ZNF346: variants seen among roughly 807,000 people sequenced by gnomAD.
The protein encoded by ZNF346 is double-stranded RNA-binding zinc finger protein JAZ.
In ZNF346, 23 loss-of-function variants were observed where a neutral mutation model predicts 33.7. The ratio of observed to expected loss-of-function variants is 0.68; its 90% CI spans 0.49 to 0.97. The LOEUF is 0.97. Among genes scored for constraint, ZNF346 ranks in the 50% least tolerant of loss-of-function variants. The pLI is 0.00. For missense variants in ZNF346, 340 were observed against 371.1 expected, an observed-to-expected ratio of 0.92 and a Z score of 0.69; for synonymous variants, 134 against 142.4, an observed-to-expected ratio of 0.94 and a Z score of 0.42.
rs56172509 is a variant in ZNF346, at chr5:177,028,707, C to CTTTTTTTTTT, written c.175+5813_175+5822dup. Among the ~76,000 whole-genome samples the CTTTTTTTTTT allele has an allele frequency of 9.6e-4, 65 of 67,398 alleles. 2 individuals are homozygous for CTTTTTTTTTT. The highest frequency in any genetic ancestry group is 1.6e-3 in the Non-Finnish European group (54 of 34,014). 44.2% of individuals were successfully genotyped at this position (67,398 alleles called of 152,430 possible). On this transcript the variant is annotated intron_variant, in intron 1 of 6. Transcript: ENST00000358149. The stretch of plus-strand genomic sequence containing the variant: ...TTTGTTATTTATAACAAGCCCCTTT[C>CTTTTTTTTTT]TTTTTTTTTTTTTTTTTTTTTTTTT...
intron 5 of ZNF346, among the ~76,000 whole-genome samples, chr5:177,055,510 C>T (rs10039076): frequency 0.14 from 21,314 of 151,960 alleles, 3,151 homozygotes; most frequent in African/African-American, 0.38. Context: ...CTAGAAAGAC[C>T]TAGTAGGAGA....
intron 1 of ZNF346, among the ~76,000 whole-genome samples, chr5:177,033,941 G>A (rs1309862029): frequency 2.0e-5 from 3 of 152,210 alleles, no homozygotes; most frequent in Admixed American, 1.3e-4. Flanking sequence ...GAGCATAGCA[G>A]TGCAATCCTG....
At chr5:177,070,120 AC>A (rs1298958598), downstream of ZNF346, among the ~76,000 whole-genome samples, 2 of 152,198 alleles carry the variant, frequency 1.3e-5, no homozygotes, top group African/African-American at 4.8e-5. Context: ...TTGTCTAGAC[AC>A]TGCCAAACAG....
At chr5:177,043,534 G>A (rs981454141) in intron 3 of ZNF346, among the ~76,000 whole-genome samples, 7 of 152,124 alleles carry the variant, frequency 4.6e-5, no homozygotes, top group African/African-American at 1.7e-4. Context: ...AGGTGGCTGA[G>A]GCAGGCGGAT....
intron 3 of ZNF346, among the ~76,000 whole-genome samples, chr5:177,043,289 A>G (rs1350021160): frequency 6.6e-6 from 1 of 152,142 alleles, no homozygotes; most frequent in East Asian, 1.9e-4. Context: ...ATGAGCCACC[A>G]CACCTGGCCC....
At chr5:177,051,802 G>C (rs1780966042) in intron 5 of ZNF346, 1 of 152,220 alleles carries the variant, frequency 6.6e-6, no homozygotes, top group African/African-American at 2.4e-5. Context: ...CTCCCAAAGT[G>C]CTGAGATTAC....
intron 1 of ZNF346, among the ~76,000 whole-genome samples, chr5:177,034,912 G>T (rs1251431104): frequency 2.0e-5 from 3 of 152,226 alleles, no homozygotes. Context: ...GAGACTGTAG[G>T]TCACCTATTG....
intron 8 of ZNF346, among the ~76,000 whole-genome samples, chr5:177,073,018 C>T (rs921715371): frequency 2.0e-5 from 3 of 152,252 alleles, no homozygotes; most frequent in African/African-American, 7.2e-5. Flanking sequence ...CACTGGCCCC[C>T]AAGGCCAAGT....
chr5:177,059,939 C>A (rs1051652815), intron 5 of ZNF346, among the ~76,000 whole-genome samples: 1 of 152,128 alleles, frequency 6.6e-6, no homozygotes, highest in African/African-American at 2.4e-5. Flanking sequence ...AGACTGTGGG[C>A]ACATAAAATG....
intron 5 of ZNF346, among the ~76,000 whole-genome samples, chr5:177,061,053 C>T (rs894277523): frequency 4.8e-5 from 7 of 146,608 alleles, no homozygotes; most frequent in Non-Finnish European, 1.1e-4. Context: ...CGGAGCTTGC[C>T]GTGAGCCAAG....
intron 8 of ZNF346, among the ~76,000 whole-genome samples, chr5:177,075,936 C>T (rs1196978118): frequency 6.6e-6 from 1 of 152,204 alleles, no homozygotes; most frequent in Admixed American, 6.5e-5. Context: ...ATTGACCTGC[C>T]TCAGCCTCCC....
chr5:177,050,757 A>G lies in ZNF346; in HGVS notation c.524A>G (p.His175Arg). The G allele has an allele frequency of 1.9e-6, 3 of 1,614,176 alleles. No homozygotes were observed. Among genetic ancestry groups the G allele is most frequent in the Non-Finnish European group, 2.5e-6 (3 of 1,180,036 alleles). Residue 175 changes from histidine to arginine, a missense_variant, in exon 5 of 7, where the codon CAC becomes CGC. Physicochemically the swap from His to Arg is conservative, Grantham distance 29 (BLOSUM62 0). Transcript: ENST00000358149. The part of the protein sequence containing the change: ...KQQSTKVEAL[H>R]QNREMIDPDK... Reference sequence around the variant, plus strand: ...CTTGTGGCCTCCACCTTAGCCTTGCACCAGAATAGAGAGATGATAGACCCA... The same window carrying G: ...CTTGTGGCCTCCACCTTAGCCTTGCGCCAGAATAGAGAGATGATAGACCCA...
At chr5:177,049,574 G>T (rs1327963143) in intron 4 of ZNF346, among the ~76,000 whole-genome samples, 11 of 152,174 alleles carry the variant, frequency 7.2e-5, no homozygotes, top group African/African-American at 2.4e-5. Context: ...TGAATTCATT[G>T]GCCAGAATCA....
intron 1 of ZNF346, among the ~76,000 whole-genome samples, chr5:177,038,873 T>G (rs1455875454): frequency 8.7e-6 from 1 of 114,548 alleles, no homozygotes; most frequent in African/African-American, 3.6e-5. Flanking sequence ...TTTCTTCTTC[T>G]TCTTGTGTGT....
At chr5:177,061,439 G>A (rs575482450) in intron 5 of ZNF346, among the ~76,000 whole-genome samples, 17 of 152,160 alleles carry the variant, frequency 1.1e-4, no homozygotes, top group East Asian at 5.8e-4. Flanking sequence ...GCGAGACTCC[G>A]TCTCAAAAAA....
intron 8 of ZNF346, chr5:177,079,254 A>G (rs1783890993): frequency 6.6e-6 from 1 of 151,694 alleles, no homozygotes. Context: ...CCCGGGCGAC[A>G]GAGAGACTCA....
chr5:177,062,553 A>G (rs571013140), intron 6 of ZNF346, among the ~76,000 whole-genome samples: 2 of 152,166 alleles, frequency 1.3e-5, no homozygotes, highest in Non-Finnish European at 2.9e-5. Context: ...TCAAATATAT[A>G]TTGAGCATCT....
chr5:177,048,674 C>T (rs967999366), intron 4 of ZNF346, among the ~76,000 whole-genome samples: 1 of 151,996 alleles, frequency 6.6e-6, no homozygotes, highest in African/African-American at 2.4e-5. Flanking sequence ...ACACTCTACT[C>T]TCTGTGCTTT....
At chr5:177,041,651 T>C (rs1779350775) in intron 2 of ZNF346, 127 bp from the exon 3 acceptor site, 4 of 641,382 alleles carry the variant, frequency 6.2e-6, no homozygotes, top group Non-Finnish European at 1.1e-5. Flanking sequence ...GAACTCAAAC[T>C]TCCCTCACCT....
Sources: allele counts gnomAD v4.1 joint callset (sites outside exome capture counted in the v4.1 genomes callset), GRCh38; gene constraint gnomAD v4.1.1; transcripts MANE v1.5; gene names NCBI Gene and HGNC (gene_info 2026-07-23, HGNC 2026-07-21).